EYS: variants seen among roughly 807,000 people sequenced by gnomAD.
EYS encodes EGF-like photoreceptor maintenance factor.
Under a neutral mutation model 282.1 loss-of-function variants are expected in EYS, and 250 were observed. That is an observed-to-expected ratio of 0.89 (90% CI 0.80 to 0.98). The LOEUF (loss-of-function observed/expected upper bound fraction) is 0.98. Ranked by LOEUF, EYS falls within the 50% of genes least tolerant of loss-of-function variation. The probability of loss-of-function intolerance (pLI) is 0.00; values close to 1 mark genes in which losing one functional copy is unlikely to be tolerated. For synonymous variants in EYS, 1,355 were observed against 1,282.9 expected, an observed-to-expected ratio of 1.06 and a Z score of -1.20; for missense variants, 4,016 against 3,709.0, an observed-to-expected ratio of 1.08 and a Z score of -2.15.
At chr6:64,015,052 T>C (rs577399021) in intron 33 of EYS, among the ~76,000 whole-genome samples, 120 of 152,262 alleles carry the variant, frequency 7.9e-4, no homozygotes, top group African/African-American at 2.9e-3. Context: ...AGCCCTTCTT[T>C]AAGTCAATTT....
intron 14 of EYS, among the ~76,000 whole-genome samples, chr6:64,996,187 T>C (rs1771256883): frequency 6.6e-6 from 1 of 152,106 alleles, no homozygotes; most frequent in Non-Finnish European, 1.5e-5. Context: ...CCTGAGAGGT[T>C]CAGTCAAGAG....
At chr6:64,518,122 TA>T (rs981591024) in intron 26 of EYS, among the ~76,000 whole-genome samples, 28 of 152,030 alleles carry the variant, frequency 1.8e-4, no homozygotes, top group African/African-American at 5.5e-4. Flanking sequence ...TTTAACAGCT[TA>T]AAAACATTAT....
intron 18 of EYS, among the ~76,000 whole-genome samples, chr6:64,887,573 T>A (rs896529680): frequency 1.1e-4 from 16 of 152,076 alleles, no homozygotes; most frequent in African/African-American, 3.9e-4. Context: ...TTCCATAAAA[T>A]GTTTTTGAGC....
In EYS at chr6:65,123,802, A is replaced by G. The variant is rs150052142; in HGVS notation, c.2024-66075T>C. Among the ~76,000 whole-genome samples the G allele has an allele frequency of 1.9e-3, 285 of 151,274 alleles. 4 individuals carry two copies. The highest frequency in any genetic ancestry group is 6.7e-3 in the African/African-American group (275 of 41,236). On this transcript the variant is annotated intron_variant, in intron 12 of 42. Coordinates refer to ENST00000503581, the MANE Select transcript of EYS (RefSeq NM_001142800.2). The stretch of plus-strand genomic sequence containing the variant: ...CACACACACACTAGTTTAGTCTCCC[A>G]AAGAGAAAAGTTTATCATATTTCGC...
At chr6:65,620,725 T>C (rs932362808) in intron 2 of EYS, among the ~76,000 whole-genome samples, 12 of 151,294 alleles carry the variant, frequency 7.9e-5, no homozygotes, top group African/African-American at 2.9e-4. Flanking sequence ...CTGCTTTGAA[T>C]GCGTCCCAGA....
chr6:64,450,239 C>A (rs1181782831), intron 26 of EYS, among the ~76,000 whole-genome samples: 1 of 151,832 alleles, frequency 6.6e-6, no homozygotes, highest in African/African-American at 2.4e-5. Flanking sequence ...TTTAAACCAA[C>A]AAAGATCAAA....
intron 7 of EYS, among the ~76,000 whole-genome samples, chr6:65,386,807 A>G (rs1008071723): frequency 1.1e-4 from 16 of 151,868 alleles, no homozygotes; most frequent in African/African-American, 3.6e-4. Flanking sequence ...GAAAAGGAAG[A>G]CCTTTCAGAT....
intron 29 of EYS, among the ~76,000 whole-genome samples, chr6:64,318,362 CA>C (rs1770062633): frequency 1.3e-5 from 2 of 151,930 alleles, no homozygotes. Flanking sequence ...GTGGATTATC[CA>C]TACTGTATAA....
intron 31 of EYS, among the ~76,000 whole-genome samples, chr6:64,149,586 C>A (rs1774633933): frequency 6.6e-6 from 1 of 152,208 alleles, no homozygotes; most frequent in Non-Finnish European, 1.5e-5. Flanking sequence ...TAGGGACTAA[C>A]ACGTGATAGA....
intron 12 of EYS, among the ~76,000 whole-genome samples, chr6:65,107,255 C>T (rs1377752312): frequency 6.6e-6 from 1 of 150,642 alleles, no homozygotes; most frequent in Non-Finnish European, 1.5e-5. Flanking sequence ...TCAGATAAGG[C>T]CTTTGTCTTC....
At chr6:63,771,372 G>A (rs997312879) in intron 40 of EYS, among the ~76,000 whole-genome samples, 6 of 152,154 alleles carry the variant, frequency 3.9e-5, no homozygotes, top group African/African-American at 1.4e-4. Flanking sequence ...CAAAAGACAA[G>A]TTGGAAGTTA....
intron 11 of EYS, chr6:65,330,790 T>C: frequency 1.0e-6 from 1 of 963,442 alleles, no homozygotes. Flanking sequence ...TTCTTTCATT[T>C]ATATCGTCAT....
intron 35 of EYS, among the ~76,000 whole-genome samples, chr6:63,867,968 T>C (rs1772708341): frequency 6.6e-6 from 1 of 152,200 alleles, no homozygotes; most frequent in African/African-American, 2.4e-5. Flanking sequence ...TTAGTTATTA[T>C]TGTGTCCTTA....
intron 26 of EYS, among the ~76,000 whole-genome samples, chr6:64,564,025 T>C (rs1423998811): frequency 6.6e-6 from 1 of 151,932 alleles, no homozygotes; most frequent in East Asian, 1.9e-4. Context: ...ACAAATGTCA[T>C]ATCTTAGCTA....
chr6:64,448,462 C>G (rs142790847), intron 26 of EYS, among the ~76,000 whole-genome samples: 2,905 of 152,312 alleles, frequency 0.019, 45 homozygotes, highest in African/African-American at 0.045. Flanking sequence ...ACAGCAATAA[C>G]CTCTGCAGAC....
intron 26 of EYS, among the ~76,000 whole-genome samples, chr6:64,585,642 T>C (rs1225009080): frequency 6.6e-6 from 1 of 152,130 alleles, no homozygotes; most frequent in African/African-American, 2.4e-5. Context: ...ACCCCTTGGA[T>C]GTAGTTTTAT....
At chr6:65,378,976 A>G (rs1349775194) in intron 8 of EYS, among the ~76,000 whole-genome samples, 1 of 152,108 alleles carries the variant, frequency 6.6e-6, no homozygotes, top group Non-Finnish European at 1.5e-5. Flanking sequence ...TGTCACATGT[A>G]TACTTATGTA....
chr6:65,496,380 T>G (rs1407529232), intron 2 of EYS, among the ~76,000 whole-genome samples: 1 of 152,108 alleles, frequency 6.6e-6, no homozygotes, highest in Non-Finnish European at 1.5e-5. Flanking sequence ...TTGACCTATT[T>G]TTTTTTAAAA....
At chr6:65,369,699 C>T (rs1374360391) in intron 8 of EYS, among the ~76,000 whole-genome samples, 2 of 151,584 alleles carry the variant, frequency 1.3e-5, no homozygotes, top group African/African-American at 4.8e-5. Flanking sequence ...GTAGGAAACT[C>T]TCCTGTGCAC....
Sources: allele counts gnomAD v4.1 joint callset (sites outside exome capture counted in the v4.1 genomes callset), GRCh38; gene constraint gnomAD v4.1.1; transcripts MANE v1.5; gene names NCBI Gene and HGNC (gene_info 2026-07-23, HGNC 2026-07-21).